PALM2AKAP2: variants seen among roughly 807,000 people sequenced by gnomAD.
PALM2AKAP2 encodes PALM2 and AKAP2 fusion.
A neutral mutation model predicts 71.5 loss-of-function variants in PALM2AKAP2; 37 were observed. The ratio of observed to expected loss-of-function variants is 0.52; its 90% CI spans 0.40 to 0.68. PALM2AKAP2 has a LOEUF of 0.68. PALM2AKAP2 is among the 30% of genes least tolerant of loss of function. The pLI, the probability that PALM2AKAP2 is intolerant of heterozygous loss-of-function variation, is 0.00. For synonymous variants in PALM2AKAP2, 468 were observed against 478.8 expected (o/e 0.98, Z 0.29); for missense variants, 1,224 against 1,191.8 (o/e 1.03, Z -0.40).
chr9:110,031,402 T>A (rs1284876702), intron 7 of PALM2AKAP2, among the ~76,000 whole-genome samples: 1 of 152,210 alleles, frequency 6.6e-6, no homozygotes, highest in Non-Finnish European at 1.5e-5. Flanking sequence ...TGTGCTGGGA[T>A]TACAGGTGTG....
chr9:109,654,766 T>A (rs1390854955), intron 1 of PALM2AKAP2, among the ~76,000 whole-genome samples: 1 of 151,854 alleles, frequency 6.6e-6, no homozygotes, highest in Non-Finnish European at 1.5e-5. Flanking sequence ...TGTGTGTGTG[T>A]GTGTGTGTGT....
intron 1 of PALM2AKAP2, among the ~76,000 whole-genome samples, chr9:109,844,931 A>AT (rs1554720008): frequency 6.7e-5 from 10 of 149,414 alleles, no homozygotes; most frequent in South Asian, 2.2e-4. Context: ...CCAGAAAATG[A>AT]TGTGTGTGTG....
intron 1 of PALM2AKAP2, among the ~76,000 whole-genome samples, chr9:110,087,068 C>G (rs931245676): frequency 6.6e-6 from 1 of 152,172 alleles, no homozygotes; most frequent in South Asian, 2.1e-4. Flanking sequence ...GCTATCCTTC[C>G]TGCCTGGACT....
chr9:109,933,384 T>G (rs1449397379), intron 6 of PALM2AKAP2, among the ~76,000 whole-genome samples: 1 of 152,254 alleles, frequency 6.6e-6, no homozygotes, highest in African/African-American at 2.4e-5. Context: ...TGATGGCTCC[T>G]GATAGTTGTG....
At chr9:109,811,563 A>G (rs543520299) in intron 1 of PALM2AKAP2, among the ~76,000 whole-genome samples, 24 of 151,958 alleles carry the variant, frequency 1.6e-4, no homozygotes, top group Non-Finnish European at 2.9e-4. Flanking sequence ...TGCTGTTTTT[A>G]TTATATTCTT....
chr9:109,992,230 C>G (rs1482676915), intron 6 of PALM2AKAP2, among the ~76,000 whole-genome samples: 1 of 152,124 alleles, frequency 6.6e-6, no homozygotes, highest in Non-Finnish European at 1.5e-5. Flanking sequence ...TCATCTCTGC[C>G]TCTGTCTTCA....
chr9:110,115,974 G>C (rs146347972), intron 1 of PALM2AKAP2, among the ~76,000 whole-genome samples: 390 of 152,322 alleles, frequency 2.6e-3, no homozygotes, highest in African/African-American at 9.0e-3. Flanking sequence ...TCTTGGAGAA[G>C]TGAAGGTTTG....
At chr9:110,033,548 T>C (rs1833324361) in intron 7 of PALM2AKAP2, among the ~76,000 whole-genome samples, 1 of 152,224 alleles carries the variant, frequency 6.6e-6, no homozygotes, top group Non-Finnish European at 1.5e-5. Flanking sequence ...ATTGTGCAGA[T>C]GAAGAAATCA....
chr9:109,927,579 C>T (rs1830986784), intron 5 of PALM2AKAP2, among the ~76,000 whole-genome samples: 1 of 152,204 alleles, frequency 6.6e-6, no homozygotes, highest in South Asian at 2.1e-4. Context: ...ATGACCCCAT[C>T]TCAGGTAACC....
chr9:110,011,014 A>AAAATAT lies in PALM2AKAP2; in HGVS notation c.497-4939_497-4938insAATATA, dbSNP rs35212981. Among the ~76,000 whole-genome samples the AAAATAT allele has an allele frequency of 7.2e-3, 498 of 69,466 alleles. 9 individuals carry two copies. Among genetic ancestry groups the AAAATAT allele is most frequent in the Middle Eastern group, 0.025 (2 of 80 alleles). The allele number at this position is 69,466 out of a possible 152,430, so 45.6% of individuals were successfully genotyped here. On this transcript the variant is annotated intron_variant, in intron 6 of 9. Transcript: ENST00000302798. Reference sequence around the variant, plus strand: ...TCTGTCTCAAAAAAAAAAAAAAAAAAATATATATATATATATATATATACT... The same window carrying AAAATAT: ...TCTGTCTCAAAAAAAAAAAAAAAAAAAAATATATATATATATATATATATATATACT...
At chr9:110,049,661 A>G (rs1290960569) in intron 1 of PALM2AKAP2, among the ~76,000 whole-genome samples, 2 of 152,174 alleles carry the variant, frequency 1.3e-5, no homozygotes, top group Non-Finnish European at 2.9e-5. Flanking sequence ...AGCACTGGGC[A>G]AGCCGTACCT....
At chr9:109,930,651 C>T (rs576149590) in intron 5 of PALM2AKAP2, among the ~76,000 whole-genome samples, 52 of 152,334 alleles carry the variant, frequency 3.4e-4, no homozygotes, top group Admixed American at 9.1e-4. Context: ...TAGAACTGAA[C>T]TAAGCCTAGT....
intron 1 of PALM2AKAP2, among the ~76,000 whole-genome samples, chr9:109,747,577 T>A (rs1413839546): frequency 6.6e-6 from 1 of 152,226 alleles, no homozygotes; most frequent in East Asian, 1.9e-4. Flanking sequence ...CAAATATGAT[T>A]TCATGAACTG....
chr9:109,655,655 C>G lies in PALM2AKAP2; in HGVS notation c.5+14789C>G, dbSNP rs537480409. The stretch of plus-strand genomic sequence containing the variant: ...TTTGGTTTCTGTGAAACTGCCTACT[C>G]TAGGTGCCCCATATATGTAGAATCA... On this transcript the variant is annotated intron_variant, in intron 1 of 6. Transcript: ENST00000374531. Among the ~76,000 whole-genome samples the G allele has an allele frequency of 1.7e-3, 263 of 152,228 alleles. 3 individuals carry two copies. The South Asian group carries it at 0.032, about 18-fold the overall frequency.
intron 1 of PALM2AKAP2, among the ~76,000 whole-genome samples, chr9:109,650,099 T>C (rs538109853): frequency 5.9e-5 from 9 of 152,162 alleles, no homozygotes; most frequent in Non-Finnish European, 1.2e-4. Context: ...TTGCAGATAA[T>C]AAACATTAAG....
intron 1 of PALM2AKAP2, among the ~76,000 whole-genome samples, chr9:109,786,302 C>A (rs1298683228): frequency 6.6e-6 from 1 of 152,190 alleles, no homozygotes; most frequent in East Asian, 1.9e-4. Context: ...TCCAGCTTCC[C>A]AAGGATCCCT....
At chr9:109,913,026 GGAACCCTA>G (rs1191923330) in intron 3 of PALM2AKAP2, among the ~76,000 whole-genome samples, 3 of 152,194 alleles carry the variant, frequency 2.0e-5, no homozygotes, top group Non-Finnish European at 2.9e-5. Context: ...AAATCTACAA[GGAACCCTA>G]GAGAGACTTT....
At chr9:110,167,457 T>A (rs1190043918) in intron 3 of PALM2AKAP2, among the ~76,000 whole-genome samples, 1 of 125,262 alleles carries the variant, frequency 8.0e-6, no homozygotes, top group African/African-American at 3.1e-5. Flanking sequence ...GCAACCTAAA[T>A]GCCATTAATC....
chr9:110,063,907 G>T (rs767736422), intron 1 of PALM2AKAP2, among the ~76,000 whole-genome samples: 1 of 152,214 alleles, frequency 6.6e-6, no homozygotes, highest in African/African-American at 2.4e-5. Flanking sequence ...AAGGGTTGGG[G>T]TAGGGGTGCA....
Sources: gnomAD v4.1 joint callset for allele counts (sites outside exome capture counted in the v4.1 genomes callset) on GRCh38, gnomAD v4.1.1 for gene constraint, MANE v1.5 for transcripts, NCBI Gene and HGNC (gene_info 2026-07-23, HGNC 2026-07-21) for gene names.